Variants in NR6A1 observed in about 807,000 individuals in gnomAD.
NR6A1 encodes retinoic acid receptor-related testis-associated receptor.
NR6A1 carries 7 observed loss-of-function variants against 59.1 expected under a neutral mutation model. The ratio of observed to expected loss-of-function variants is 0.12; its 90% CI spans 0.07 to 0.22. The LOEUF (loss-of-function observed/expected upper bound fraction) is 0.22, where lower values mean the gene tolerates loss of function less well. Ranked by LOEUF, NR6A1 falls within the 10% of genes least tolerant of loss-of-function variation. NR6A1 has a pLI of 1.00. For synonymous variants in NR6A1, 243 were observed against 236.1 expected, an observed-to-expected ratio of 1.03 and a Z score of -0.27; for missense variants, 468 against 611.6, an observed-to-expected ratio of 0.77 and a Z score of 2.48.
chr9:124,610,859 T>G (rs922539146), intron 2 of NR6A1, among the ~76,000 whole-genome samples: 2 of 152,168 alleles, frequency 1.3e-5, no homozygotes, highest in Admixed American at 1.3e-4. Flanking sequence ...ATTTATCCAT[T>G]TCTAGATTTT....
At chr9:124,645,724 T>C (rs182721276) in intron 2 of NR6A1, among the ~76,000 whole-genome samples, 1 of 152,146 alleles carries the variant, frequency 6.6e-6, no homozygotes, top group Non-Finnish European at 1.5e-5. Flanking sequence ...AGGCAGAAAT[T>C]CATTAAAAAC....
chr9:124,585,347 T>G (rs1834889024), intron 2 of NR6A1, among the ~76,000 whole-genome samples: 1 of 152,136 alleles, frequency 6.6e-6, no homozygotes, highest in Non-Finnish European at 1.5e-5. Flanking sequence ...GAGACCATCC[T>G]GGCTAACACG....
intron 4 of NR6A1, among the ~76,000 whole-genome samples, chr9:124,540,437 A>G (rs1833410803): frequency 6.6e-6 from 1 of 152,058 alleles, no homozygotes. Context: ...AGGTTCTTTC[A>G]ACTCCTTTTT....
At chr9:124,591,615 C>T (rs1588693293) in intron 2 of NR6A1, among the ~76,000 whole-genome samples, 2 of 152,184 alleles carry the variant, frequency 1.3e-5, no homozygotes, top group East Asian at 1.9e-4. Flanking sequence ...AACAATCCAT[C>T]GAGGCTCACC....
rs190630664 is a variant in NR6A1, at chr9:124,677,835, A to G, written c.142+55473T>C. Among the ~76,000 whole-genome samples the G allele has an allele frequency of 2.4e-3, 373 of 152,246 alleles. 2 individuals are homozygous for G. The highest frequency in any genetic ancestry group is 3.9e-3 in the Non-Finnish European group (263 of 68,022). On this transcript the variant is annotated intron_variant, in intron 2 of 9. Transcript: ENST00000487099. ...TAGTTTGCCAATGTCTATTTCAATCATAAGTATTTTGGCTACAGTGACCCC... is the reference window on the plus strand; with the variant it reads ...TAGTTTGCCAATGTCTATTTCAATCGTAAGTATTTTGGCTACAGTGACCCC...
intron 2 of NR6A1, among the ~76,000 whole-genome samples, chr9:124,591,705 C>A (rs555158921): frequency 2.6e-4 from 40 of 152,222 alleles, no homozygotes; most frequent in Middle Eastern, 6.8e-3. Flanking sequence ...GCATCAAGAC[C>A]CTGTTAGAGT....
chr9:124,587,085 T>G (rs922459296), intron 2 of NR6A1, among the ~76,000 whole-genome samples: 2 of 152,204 alleles, frequency 1.3e-5, no homozygotes, highest in Non-Finnish European at 2.9e-5. Context: ...ACCACCACCC[T>G]GATCAGTTAG....
At position 124,521,405 on chromosome 9, in the gene NR6A1, G is replaced by GC. The variant is rs1030672271; in HGVS notation, c.*1299dup. The GC allele has an allele frequency of 2.0e-5, 3 of 152,374 alleles. No individual in the cohort carries two copies. Among genetic ancestry groups the GC allele is most frequent in the African/African-American group, 7.2e-5 (3 of 41,456 alleles). 9.4% of individuals were successfully genotyped at this position (152,374 alleles called of 1,614,324 possible). On this transcript the variant is annotated 3_prime_UTR_variant, in exon 10 of 10. Transcript: ENST00000487099. ...GCTCCAGCCCTCCAGGCCTTGGCTG[G>GC]CCAGTCCACTGCTGAAGTAAGGGGC...
chr9:124,624,047 CA>C (rs1345660661), intron 2 of NR6A1, among the ~76,000 whole-genome samples: 1 of 152,104 alleles, frequency 6.6e-6, no homozygotes, highest in African/African-American at 2.4e-5. Context: ...TTAAGTTGCC[CA>C]AAGTCAAACA....
chr9:124,744,773 T>C (rs1051018262), intron 1 of NR6A1, among the ~76,000 whole-genome samples: 2 of 152,230 alleles, frequency 1.3e-5, no homozygotes, highest in African/African-American at 4.8e-5. Context: ...TCAAGGAGTT[T>C]GTTTGAACAT....
At chr9:124,558,910 C>T (rs1285353660) in intron 2 of NR6A1, among the ~76,000 whole-genome samples, 1 of 152,166 alleles carries the variant, frequency 6.6e-6, no homozygotes. Flanking sequence ...TGCCCCTAAT[C>T]GTGCCTGGCC....
At chr9:124,639,432 C>T (rs1053450068) in intron 2 of NR6A1, among the ~76,000 whole-genome samples, 2 of 152,164 alleles carry the variant, frequency 1.3e-5, no homozygotes, top group African/African-American at 2.4e-5. Flanking sequence ...GACAGCATCC[C>T]GATTTTACAA....
At chr9:124,594,682 A>C (rs1835221423) in intron 2 of NR6A1, among the ~76,000 whole-genome samples, 1 of 152,230 alleles carries the variant, frequency 6.6e-6, no homozygotes, top group Non-Finnish European at 1.5e-5. Context: ...CTTGCACTAA[A>C]AACCAATAAT....
intron 2 of NR6A1, among the ~76,000 whole-genome samples, chr9:124,647,832 T>A (rs1836983698): frequency 6.6e-6 from 1 of 151,072 alleles, no homozygotes; most frequent in African/African-American, 2.4e-5. Context: ...AAGTTTCCCA[T>A]CAAAGAAAAG....
chr9:124,724,382 T>C (rs927645208), intron 2 of NR6A1, among the ~76,000 whole-genome samples: 1 of 151,962 alleles, frequency 6.6e-6, no homozygotes, highest in Non-Finnish European at 1.5e-5. Context: ...TGTTTTTTTC[T>C]TTTAATCAAG....
chr9:124,666,576 G>A (rs1296932387), intron 2 of NR6A1, among the ~76,000 whole-genome samples: 1 of 152,132 alleles, frequency 6.6e-6, no homozygotes, highest in African/African-American at 2.4e-5. Context: ...ACCATGCCCG[G>A]CCACCATTTG....
At chr9:124,659,544 G>A (rs542857335) in intron 2 of NR6A1, among the ~76,000 whole-genome samples, 2 of 152,168 alleles carry the variant, frequency 1.3e-5, no homozygotes, top group Non-Finnish European at 2.9e-5. Context: ...GATCTGGAAT[G>A]TGTTGAGTGA....
chr9:124,526,492 A>G (rs1257235870), intron 8 of NR6A1, among the ~76,000 whole-genome samples: 1 of 152,212 alleles, frequency 6.6e-6, no homozygotes, highest in Non-Finnish European at 1.5e-5. Flanking sequence ...CAAATGCATT[A>G]AAACTGACTA....
intron 2 of NR6A1, among the ~76,000 whole-genome samples, chr9:124,672,539 T>A (rs970392933): frequency 2.0e-5 from 3 of 151,538 alleles, no homozygotes; most frequent in African/African-American, 7.3e-5. Flanking sequence ...CGCTTGACCC[T>A]GGGAGGCAGA....
Sources: gnomAD v4.1 joint callset for allele counts (sites outside exome capture counted in the v4.1 genomes callset) on GRCh38, gnomAD v4.1.1 for gene constraint, MANE v1.5 for transcripts, NCBI Gene and HGNC (gene_info 2026-07-23, HGNC 2026-07-21) for gene names.